The following NLGN2 variants were observed in gnomAD, a reference collection of about 807,000 sequenced individuals.
The protein encoded by NLGN2 is neuroligin-2.
Under a neutral mutation model 48.6 loss-of-function variants are expected in NLGN2, and 11 were observed. The ratio of observed to expected loss-of-function variants is 0.23; its 90% confidence interval spans 0.14 to 0.37. The LOEUF is 0.37. Among genes scored for constraint, NLGN2 ranks in the 10% least tolerant of loss-of-function variants. The probability of loss-of-function intolerance (pLI) is 1.00; values close to 1 mark genes in which losing one functional copy is unlikely to be tolerated. For missense variants in NLGN2, 801 were observed against 1,225.2 expected (o/e 0.65, Z 5.17); for synonymous variants, 548 against 550.0 (o/e 1.00, Z 0.05).
chr17:7,414,260 T>G (rs1288611160), intron 2 of NLGN2, 84 bp from the exon 3 acceptor site: 1 of 1,328,520 alleles, frequency 7.5e-7, no homozygotes, highest in Non-Finnish European at 1.1e-6. Context: ...TCAGCAGGCC[T>G]GGGAGCTGGG....
chr17:7,417,121 C>T lies in NLGN2; in HGVS notation c.1830C>T (p.Asn610=). 6.2e-7 allele frequency: 1 copy of T among 1,612,076 alleles called. No homozygotes were observed. The highest frequency in any genetic ancestry group is 1.1e-5 in the South Asian group (1 of 91,034). ...FWLELVPHLH[N]LHTELFTTTT... Reference sequence around the variant, plus strand: ...TGGAGCTCGTGCCCCACCTGCACAACCTGCACACGGAGCTCTTCACCACCA... The same window carrying T: ...TGGAGCTCGTGCCCCACCTGCACAATCTGCACACGGAGCTCTTCACCACCA... The change falls in exon 7 of 7, where the codon AAC becomes AAT. Residue 610 remains asparagine (N), a synonymous_variant. Transcript: ENST00000302926.
At chr17:7,404,894 C>G (rs1906554021), upstream of NLGN2, 1 of 151,976 alleles carries the variant, frequency 6.6e-6, no homozygotes, top group African/African-American at 2.4e-5. Context: ...GCTGCTGCGG[C>G]TGCTCCGCCG....
chr17:7,411,036 C>G lies in NLGN2; in HGVS notation c.458-1121C>G, dbSNP rs1355507643. ...AGTCCCTGTGCCATTGAGGAAAAACCAATCAGCCTCGGGGAACCCCCAGGC... is the reference window on the plus strand; with the variant it reads ...AGTCCCTGTGCCATTGAGGAAAAACGAATCAGCCTCGGGGAACCCCCAGGC... On this transcript the variant is annotated intron_variant, in intron 1 of 6. Coordinates refer to ENST00000302926, the MANE Select transcript of NLGN2 (RefSeq NM_020795.4). The surrounding 1 kb of genome is among the most constrained non-coding windows in gnomAD (Gnocchi z 4.5). Among the ~76,000 whole-genome samples the G allele has an allele frequency of 6.6e-6, 1 of 152,206 alleles. No homozygotes were observed. The highest frequency in any genetic ancestry group is 1.5e-5 in the Non-Finnish European group (1 of 68,032).
In NLGN2 at chr17:7,411,188, C is replaced by T. The variant is rs537330523; in HGVS notation, c.458-969C>T. 7.2e-5 allele frequency among the ~76,000 whole-genome samples: 11 copies of T among 152,322 alleles called. No homozygotes were observed. The highest frequency in any genetic ancestry group is 2.2e-4 in the African/African-American group (9 of 41,574). On this transcript the variant is annotated intron_variant, in intron 1 of 6. Transcript: ENST00000302926. The surrounding 1 kb of genome is among the most constrained non-coding windows in gnomAD (Gnocchi z 4.5). ...GGCTGGCTCAGGGCACTGTGTTCCT[C>T]GTTCCCTATCTGTGGACTGAACCAC... is the stretch of plus-strand genomic sequence containing the variant.
rs986246121 is a variant in NLGN2, at chr17:7,417,672, G to C, written c.2381G>C (p.Gly794Ala). Residue 794 changes from glycine (G) to alanine (A), a missense_variant, in exon 7 of 7, where the codon GGC (glycine) becomes GCC (alanine). Around this residue, in one of 5 missense-constraint regions of NLGN2, gnomAD observed 276 missense variants for 313.9 expected, o/e 0.88. Coordinates refer to ENST00000302926, the MANE Select transcript of NLGN2 (RefSeq NM_020795.4). ...APGALTLLPS[G>A]LGPPPPPPPP... ...GGGGCCCTGACCCTGCTGCCCAGTG[G>C]CCTGGGGCCACCGCCACCCCCACCG... 1.1e-5 allele frequency: 15 copies of C among 1,380,202 alleles called. No homozygotes were observed. Among genetic ancestry groups the C allele is most frequent in the Non-Finnish European group, 3.7e-6 (4 of 1,074,588 alleles). The allele number at this position is 1,380,202 out of a possible 1,614,324, so 85.5% of individuals were successfully genotyped here.
chr17:7,415,985 G>A lies in NLGN2; in HGVS notation c.1512G>A (p.Leu504=), dbSNP rs1338762157. The change falls in exon 6 of 7, where the codon CTG becomes CTA. Residue 504 remains leucine, a synonymous_variant. Coordinates refer to ENST00000302926, the MANE Select transcript of NLGN2 (RefSeq NM_020795.4). Reference sequence around the variant, plus strand: ...CAGATGCGGCGCACGGGGATGAACTGCCCTATGTCTTTGGCGTGCCCATGG... The same window carrying A: ...CAGATGCGGCGCACGGGGATGAACTACCCTATGTCTTTGGCGTGCCCATGG... ...EWADAAHGDE[L]PYVFGVPMVG... is the part of the protein sequence containing the mutation. 3 of 1,614,202 alleles carry A rather than the reference G, an allele frequency of 1.9e-6. No homozygotes were observed. In the South Asian group the frequency reaches 3.3e-5, roughly 18 times the overall value.
In NLGN2 at chr17:7,416,909, C is replaced by T. The variant is rs759863481; in HGVS notation, c.1635-17C>T. ...CTTGCCCTCACTCCTCCTTTCCCTG[C>T]CCTCCTGTGCCCACAGGGACCCCAA... On this transcript the variant is annotated splice_polypyrimidine_tract_variant and intron_variant, in intron 6 of 6. Coordinates refer to ENST00000302926, the MANE Select transcript of NLGN2 (RefSeq NM_020795.4). 10 of 1,612,818 alleles carry T rather than the reference C, an allele frequency of 6.2e-6. No individual in the cohort carries two copies. The highest frequency in any genetic ancestry group is 3.3e-4 in the Middle Eastern group (2 of 6,062).
At chr17:7,414,613 G>T (rs12952579) in intron 3 of NLGN2, 50 bp from the exon 4 acceptor site, 3 of 1,612,182 alleles carry the variant, frequency 1.9e-6, no homozygotes, top group Non-Finnish European at 2.5e-6. Context: ...CAGAAAGGGG[G>T]CAGGGGCGCT....
Position 7,414,659 on chromosome 17 carries a change from C to T in NLGN2, c.659-4C>T, listed in dbSNP as rs1326147541. On this transcript the variant is annotated splice_polypyrimidine_tract_variant and splice_region_variant and intron_variant, in intron 3 of 6. Coordinates refer to ENST00000302926, the MANE Select transcript of NLGN2 (RefSeq NM_020795.4). Reference sequence around the variant, plus strand: ...CAGGGAGCCCTCTTCTTCTCTACTCCCAGGTTTTCTCAGCACCGGGGACCA... The same window carrying T: ...CAGGGAGCCCTCTTCTTCTCTACTCTCAGGTTTTCTCAGCACCGGGGACCA... The T allele has an allele frequency of 1.2e-6, 2 of 1,613,976 alleles. No homozygotes were observed. The highest frequency in any genetic ancestry group is 1.7e-5 in the Admixed American group (1 of 60,016).
At chr17:7,407,751 G>A (rs952765773), upstream of NLGN2, among the ~76,000 whole-genome samples, 1 of 151,980 alleles carries the variant, frequency 6.6e-6, no homozygotes, top group African/African-American at 2.4e-5. Flanking sequence ...AACCACATCT[G>A]GGCCCCACCC....
chr17:7,417,511 G>C lies in NLGN2; in HGVS notation c.2220G>C (p.Glu740Asp). 1 of 1,508,588 alleles carries C rather than the reference G, an allele frequency of 6.6e-7. No homozygotes were observed. Among genetic ancestry groups the C allele is most frequent in the Non-Finnish European group, 8.8e-7 (1 of 1,131,770 alleles). The allele number at this position is 1,508,588 out of a possible 1,614,324, so 93.5% of individuals were successfully genotyped here. A position where few individuals can be genotyped will look rare whatever the true frequency, so the allele number is the denominator to read the frequency against. Residue 740 changes from glutamate (E) to aspartate (D), a missense_variant, in exon 7 of 7, where the codon GAG becomes GAC. Around this residue, in one of 5 missense-constraint regions of NLGN2, gnomAD observed 276 missense variants for 313.9 expected, o/e 0.88. Transcript: ENST00000302926. ...PAAGRELPPE[E>D]ELVSLQLKRG... ...CGGGCCGTGAGCTGCCACCAGAGGA[G>C]GAGCTGGTGTCACTGCAGCTGAAGC...
chr17:7,409,570 A>C (rs1906794295), intron 1 of NLGN2, among the ~76,000 whole-genome samples: 1 of 151,960 alleles, frequency 6.6e-6, no homozygotes. Flanking sequence ...TGCACCCCGC[A>C]TGGCTCTTCT....
chr17:7,406,654 G>GGGA (rs1019029399), upstream of NLGN2, among the ~76,000 whole-genome samples: 1 of 29,720 alleles, frequency 3.4e-5, no homozygotes, highest in Non-Finnish European at 1.4e-4. Context: ...GTGGGGGGGC[G>GGGA]GGGGGGGGGC....
At chr17:7,410,681 GC>G (rs987510507) in intron 1 of NLGN2, among the ~76,000 whole-genome samples, 1 of 152,072 alleles carries the variant, frequency 6.6e-6, no homozygotes, top group Non-Finnish European at 1.5e-5. Context: ...GTCCACCCCT[GC>G]CCCCACACCA....
chr17:7,414,739 C>A lies in NLGN2; in HGVS notation c.735C>A (p.Leu245=). 1 of 1,614,240 alleles carries A rather than the reference C, an allele frequency of 6.2e-7. No homozygotes were observed. The highest frequency in any genetic ancestry group is 1.3e-5 in the African/African-American group (1 of 75,062). The change falls in exon 4 of 7, where the codon CTC becomes CTA. Residue 245 remains leucine, a synonymous_variant. Transcript: ENST00000302926. ...ACCAGATCCAGGCCCTGCGCTGGCTCAGTGAAAACATCGCCCACTTTGGGG... is the reference window on the plus strand; with the variant it reads ...ACCAGATCCAGGCCCTGCGCTGGCTAAGTGAAAACATCGCCCACTTTGGGG... ...LLDQIQALRW[L]SENIAHFGGD...
Position 7,414,815 on chromosome 17 carries a change from G to C in NLGN2, c.811G>C (p.Val271Leu). 1 of 1,614,152 alleles carries C rather than the reference G, an allele frequency of 6.2e-7. No homozygotes were observed. ...IFGSGAGASC[V>L]NLLILSHHSE... The stretch of plus-strand genomic sequence containing the variant: ...TGGTTCCGGGGCAGGGGCCTCCTGC[G>C]TCAACCTTCTGATCCTCTCCCACCA... The change falls in exon 4 of 7, where the codon GTC becomes CTC. Residue 271 changes from valine (V) to leucine (L), a missense_variant. By Grantham distance (32) the Val-to-Leu change is conservative. This residue lies in a region of NLGN2 where 303 missense variants were observed against 600.1 expected (regional missense o/e 0.50). Coordinates refer to ENST00000302926, the MANE Select transcript of NLGN2 (RefSeq NM_020795.4).
rs1906990383 is a variant in NLGN2, at chr17:7,413,825, A to G, written c.509-519A>G. On this transcript the variant is annotated intron_variant, in intron 2 of 6. Coordinates refer to ENST00000302926, the MANE Select transcript of NLGN2 (RefSeq NM_020795.4). This position sits in a 1 kb window ranked among gnomAD's most constrained non-coding sequence, Gnocchi z 4.9. ...GAGGAGACCAAGCCCCAGGGACCCT[A>G]GGCCTGGCACCCCTCACCCACAGAC... Among the ~76,000 whole-genome samples the G allele has an allele frequency of 6.6e-6, 1 of 151,892 alleles. No individual in the cohort carries two copies. Among genetic ancestry groups the G allele is most frequent in the Non-Finnish European group, 1.5e-5 (1 of 67,918 alleles).
chr17:7,414,584 T>G (rs2150816093), intron 3 of NLGN2, 79 bp from the exon 4 acceptor site: 1 of 1,611,808 alleles, frequency 6.2e-7, no homozygotes, highest in Admixed American at 1.7e-5. Context: ...GAATGGCTTC[T>G]GGGCTGGACT....
chr17:7,408,828 T>C lies in NLGN2; in HGVS notation c.457+116T>C. 1.9e-6 allele frequency: 3 copies of C among 1,572,366 alleles called. No individual in the cohort carries two copies. In the South Asian group the frequency reaches 3.4e-5, roughly 18 times the overall value. ...CAGAGCTGGGCCTTTGTGGGGGCAGTGAGGGACGGAGTGTCCCTGCAACCT... is the reference window on the plus strand; with the variant it reads ...CAGAGCTGGGCCTTTGTGGGGGCAGCGAGGGACGGAGTGTCCCTGCAACCT... On this transcript the variant is annotated intron_variant, in intron 1 of 6. Coordinates refer to ENST00000302926, the MANE Select transcript of NLGN2 (RefSeq NM_020795.4). The surrounding 1 kb of genome is among the most constrained non-coding windows in gnomAD (Gnocchi z 7.5).
Sources: allele counts gnomAD v4.1 joint callset (sites outside exome capture counted in the v4.1 genomes callset), GRCh38; gene constraint gnomAD v4.1.1; regional missense constraint gnomAD v4.1.1; non-coding constraint Gnocchi (gnomAD v3.1); transcripts MANE v1.5; gene names NCBI Gene and HGNC (gene_info 2026-07-23, HGNC 2026-07-21).